MGAT4C: variants seen among roughly 807,000 people sequenced by gnomAD.
MGAT4C encodes MGAT4 family member C.
A neutral mutation model predicts 40.1 loss-of-function variants in MGAT4C; 19 were observed. The observed-to-expected ratio is 0.47, with a 90% CI of 0.33 to 0.70. MGAT4C has a LOEUF of 0.70. MGAT4C is among the 30% of genes least tolerant of loss of function. The pLI is 0.02. For synonymous variants in MGAT4C, 181 were observed against 187.1 expected (o/e 0.97, Z 0.27); for missense variants, 491 against 563.2 (o/e 0.87, Z 1.30).
intron 1 of MGAT4C, among the ~76,000 whole-genome samples, chr12:86,099,586 A>G (rs932568411): frequency 2.6e-5 from 4 of 151,500 alleles, no homozygotes; most frequent in East Asian, 1.9e-4. Flanking sequence ...TATGCAGCCA[A>G]CAGACATATG....
chr12:86,297,822 G>A (rs1241950484), intron 4 of MGAT4C, among the ~76,000 whole-genome samples: 1 of 152,090 alleles, frequency 6.6e-6, no homozygotes, highest in African/African-American at 2.4e-5. Context: ...ATTAATACAA[G>A]CATGTTACCA....
At chr12:86,701,620 A>G (rs1950366255) in intron 2 of MGAT4C, among the ~76,000 whole-genome samples, 1 of 152,130 alleles carries the variant, frequency 6.6e-6, no homozygotes, top group South Asian at 2.1e-4. Context: ...CAACCCTATA[A>G]TGATCTCTAA....
intron 1 of MGAT4C, among the ~76,000 whole-genome samples, chr12:86,185,213 T>C (rs573513759): frequency 6.6e-5 from 10 of 152,214 alleles, no homozygotes; most frequent in Non-Finnish European, 8.8e-5. Context: ...CATTGTTATT[T>C]CCTTACTTGC....
At chr12:86,649,165 C>T (rs1963627835) in intron 2 of MGAT4C, among the ~76,000 whole-genome samples, 1 of 151,728 alleles carries the variant, frequency 6.6e-6, no homozygotes, top group Admixed American at 6.6e-5. Context: ...TGAGAACCTA[C>T]AAAAGTGTTA....
At chr12:86,454,397 T>C (rs1957476973) in intron 2 of MGAT4C, among the ~76,000 whole-genome samples, 1 of 152,050 alleles carries the variant, frequency 6.6e-6, no homozygotes, top group African/African-American at 2.4e-5. Context: ...CTGATTAATT[T>C]TTGTATTTTT....
chr12:86,741,062 T>G (rs1951060842), intron 1 of MGAT4C, among the ~76,000 whole-genome samples: 1 of 151,078 alleles, frequency 6.6e-6, no homozygotes, highest in African/African-American at 2.4e-5. Flanking sequence ...TCATGTGTAC[T>G]CAATGTTTAG....
chr12:86,307,879 A>G (rs2136146932), intron 4 of MGAT4C, among the ~76,000 whole-genome samples: 1 of 149,656 alleles, frequency 6.7e-6, no homozygotes, highest in African/African-American at 2.5e-5. Flanking sequence ...AATTTTTTGT[A>G]TTTTTAGTAG....
At position 85,966,815 on chromosome 12, in the gene MGAT4C, C is replaced by G; in HGVS notation, c.*12474G>C. On this transcript the variant is annotated 3_prime_UTR_variant, in exon 5 of 5. Transcript: ENST00000611864. ...ATTGCAACGACAAAAAAACCAAACA[C>G]TGCATGTTCTCATAGGTGGGAACTG... 6.6e-6 allele frequency: 1 copy of G among 151,338 alleles called. No homozygotes were observed. Among genetic ancestry groups the G allele is most frequent in the East Asian group, 2.0e-4 (1 of 5,124 alleles). 9.4% of individuals were successfully genotyped at this position (151,338 alleles called of 1,614,324 possible). A position where few individuals can be genotyped will look rare whatever the true frequency, so the allele number is the denominator to read the frequency against.
chr12:86,362,910 T>C (rs985720759), intron 3 of MGAT4C, among the ~76,000 whole-genome samples: 5 of 146,500 alleles, frequency 3.4e-5, no homozygotes, highest in African/African-American at 1.3e-4. Flanking sequence ...TATAGTAATA[T>C]TAGCTAAAGT....
At chr12:86,820,615 TTAATA>T (rs1952688920) in intron 1 of MGAT4C, among the ~76,000 whole-genome samples, 1 of 150,970 alleles carries the variant, frequency 6.6e-6, no homozygotes, top group Admixed American at 6.6e-5. Context: ...TATAAAAGTT[TTAATA>T]TGTCATTTCA....
At chr12:86,571,666 C>T (rs754537277) in intron 2 of MGAT4C, among the ~76,000 whole-genome samples, 2 of 151,986 alleles carry the variant, frequency 1.3e-5, no homozygotes, top group Admixed American at 6.6e-5. Context: ...CATGTGGACA[C>T]ATGCATTGTA....
intron 1 of MGAT4C, among the ~76,000 whole-genome samples, chr12:86,770,989 T>C (rs1224206267): frequency 6.6e-6 from 1 of 152,116 alleles, no homozygotes; most frequent in Non-Finnish European, 1.5e-5. Flanking sequence ...ATAGGGTCTT[T>C]ACAGAGATCA....
chr12:86,774,315 C>CTTTCTTTCTTTATTTCTTTATTTCT (rs1555227767), intron 1 of MGAT4C, among the ~76,000 whole-genome samples: 1 of 59,328 alleles, frequency 1.7e-5, no homozygotes, highest in African/African-American at 5.4e-5. Flanking sequence ...TTCTTTCTTT[C>CTTTCTTTCTTTATTTCTTTATTTCT]TTTCTTTCTT....
chr12:86,502,918 CAT>C (rs754071188), intron 2 of MGAT4C, among the ~76,000 whole-genome samples: 38 of 790 alleles, frequency 0.048, 4 homozygotes, highest in African/African-American at 0.11. Flanking sequence ...GAGTTCTGCT[CAT>C]ATATATATAT....
intron 3 of MGAT4C, among the ~76,000 whole-genome samples, chr12:86,380,688 G>T (rs187221174): frequency 6.6e-6 from 1 of 152,176 alleles, no homozygotes; most frequent in Admixed American, 6.5e-5. Context: ...ACACAATAAG[G>T]AGGAAGCCAA....
At chr12:86,051,668 T>C (rs1295533348) in intron 1 of MGAT4C, among the ~76,000 whole-genome samples, 2 of 151,648 alleles carry the variant, frequency 1.3e-5, no homozygotes, top group Non-Finnish European at 3.0e-5. Flanking sequence ...TGAAAATGAA[T>C]ATTTTAGTTT....
chr12:86,348,165 C>T (rs1213172272), intron 3 of MGAT4C, among the ~76,000 whole-genome samples: 1 of 152,070 alleles, frequency 6.6e-6, no homozygotes, highest in Non-Finnish European at 1.5e-5. Flanking sequence ...TGTTCGAAAT[C>T]ATTCCACATT....
chr12:86,443,664 G>A (rs1957277474), intron 2 of MGAT4C, among the ~76,000 whole-genome samples: 1 of 152,154 alleles, frequency 6.6e-6, no homozygotes, highest in African/African-American at 2.4e-5. Context: ...CACGATCTCG[G>A]CTCACTGCAA....
chr12:86,324,676 T>C (rs1471792243), intron 4 of MGAT4C, among the ~76,000 whole-genome samples: 1 of 151,956 alleles, frequency 6.6e-6, no homozygotes, highest in Non-Finnish European at 1.5e-5. Flanking sequence ...CTTTGACAAC[T>C]AATCCATAGA....
Sources: gnomAD v4.1 joint callset for allele counts (sites outside exome capture counted in the v4.1 genomes callset) on GRCh38, gnomAD v4.1.1 for gene constraint, MANE v1.5 for transcripts, NCBI Gene and HGNC (gene_info 2026-07-23, HGNC 2026-07-21) for gene names.